TLK2: variants seen among roughly 807,000 people sequenced by gnomAD.
TLK2 encodes tousled like kinase 2.
A neutral mutation model predicts 117.3 loss-of-function variants in TLK2; 6 were observed. The observed-to-expected ratio is 0.05, with a 90% CI of 0.03 to 0.10. The LOEUF (loss-of-function observed/expected upper bound fraction) is 0.10. Ranked by LOEUF, TLK2 falls within the 10% of genes least tolerant of loss-of-function variation. The pLI is 1.00. For missense variants in TLK2, 299 were observed against 901.2 expected (o/e 0.33, Z 8.56); for synonymous variants, 257 against 316.7 (o/e 0.81, Z 2.00).
At chr17:62,545,065 T>G (rs1166274860) in intron 7 of TLK2, among the ~76,000 whole-genome samples, 1 of 152,192 alleles carries the variant, frequency 6.6e-6, no homozygotes. Flanking sequence ...CTTGCTCTTT[T>G]GCCTAGGCTG....
At chr17:62,500,553 A>C (rs1161491767) in intron 2 of TLK2, among the ~76,000 whole-genome samples, 1 of 152,226 alleles carries the variant, frequency 6.6e-6, no homozygotes, top group Non-Finnish European at 1.5e-5. Context: ...ATTGTTCCTT[A>C]ATAACTGATA....
At chr17:62,539,436 CA>C (rs991483241) in intron 7 of TLK2, among the ~76,000 whole-genome samples, 5 of 150,124 alleles carry the variant, frequency 3.3e-5, no homozygotes, top group African/African-American at 1.2e-4. Flanking sequence ...TCTTCAGACT[CA>C]TTTATCTACC....
intron 11 of TLK2, among the ~76,000 whole-genome samples, chr17:62,567,928 G>T (rs1440315600): frequency 2.0e-5 from 3 of 151,838 alleles, no homozygotes; most frequent in African/African-American, 7.3e-5. Context: ...ATATTTTTTG[G>T]CCAGTTTAGT....
intron 9 of TLK2, among the ~76,000 whole-genome samples, chr17:62,557,453 T>A (rs1311226772): frequency 6.6e-6 from 1 of 152,204 alleles, no homozygotes; most frequent in Non-Finnish European, 1.5e-5. Flanking sequence ...CTATTTTTGT[T>A]GTTGTTTTTA....
intron 2 of TLK2, among the ~76,000 whole-genome samples, chr17:62,484,637 C>A (rs1325080341): frequency 1.3e-5 from 2 of 152,080 alleles, no homozygotes; most frequent in Non-Finnish European, 2.9e-5. Flanking sequence ...TCGTACCTCT[C>A]AGACTATTGA....
At chr17:62,584,247 G>T (rs1298140778) in intron 15 of TLK2, among the ~76,000 whole-genome samples, 1 of 150,556 alleles carries the variant, frequency 6.6e-6, no homozygotes, top group Non-Finnish European at 1.5e-5. Context: ...TTCCCAAGTA[G>T]CTGGGACTAC....
At chr17:62,595,728 T>C (rs1159098902) in intron 16 of TLK2, among the ~76,000 whole-genome samples, 1 of 152,192 alleles carries the variant, frequency 6.6e-6, no homozygotes, top group Non-Finnish European at 1.5e-5. Context: ...TCACATTTCA[T>C]ATTTTATTAG....
intron 10 of TLK2, among the ~76,000 whole-genome samples, chr17:62,564,715 AAAAC>A (rs950908380): frequency 5.3e-5 from 8 of 151,012 alleles, no homozygotes; most frequent in Non-Finnish European, 8.9e-5. Context: ...CTTAAAAAAA[AAAAC>A]AAACAAAAAA....
intron 2 of TLK2, among the ~76,000 whole-genome samples, chr17:62,517,455 C>T (rs1471108348): frequency 4.6e-5 from 7 of 150,952 alleles, no homozygotes; most frequent in South Asian, 2.1e-4. Context: ...AGTGCAGTGG[C>T]GCGATCTCAG....
intron 15 of TLK2, among the ~76,000 whole-genome samples, chr17:62,584,107 GTTTTTTTTTT>G (rs572000997): frequency 6.4e-5 from 5 of 78,530 alleles, no homozygotes; most frequent in South Asian, 6.0e-4. Flanking sequence ...TTCTTTTGTG[GTTTTTTTTTT>G]TTTTTTTTTT....
chr17:62,564,339 C>T (rs2079551483), intron 10 of TLK2, among the ~76,000 whole-genome samples: 1 of 152,106 alleles, frequency 6.6e-6, no homozygotes, highest in Admixed American at 6.6e-5. Context: ...AGTTCAAGAC[C>T]AGCCTGGTCA....
intron 2 of TLK2, among the ~76,000 whole-genome samples, chr17:62,488,324 A>G (rs965261998): frequency 3.3e-5 from 5 of 152,228 alleles, no homozygotes; most frequent in Admixed American, 1.3e-4. Context: ...TATTTAACCA[A>G]CTGATACCTT....
At chr17:62,523,080 T>A (rs554042204) in intron 4 of TLK2, 54 bp from the exon 5 acceptor site, 20 of 1,513,880 alleles carry the variant, frequency 1.3e-5, no homozygotes, top group Non-Finnish European at 1.6e-5. Flanking sequence ...TTTTAGTGAA[T>A]GATGGTTTAT....
chr17:62,586,811 T>G (rs2081641197), intron 16 of TLK2, among the ~76,000 whole-genome samples: 2 of 144,872 alleles, frequency 1.4e-5, no homozygotes, highest in African/African-American at 2.5e-5. Context: ...ATGGTGCGAG[T>G]GCGAGACTGC....
chr17:62,481,970 A>G (rs2071708210), intron 2 of TLK2, among the ~76,000 whole-genome samples: 1 of 151,736 alleles, frequency 6.6e-6, no homozygotes, highest in African/African-American at 2.4e-5. Context: ...TTTGAGACAG[A>G]GTTTTCCTCT....
chr17:62,540,360 C>G (rs2077432083), intron 7 of TLK2, among the ~76,000 whole-genome samples: 1 of 125,680 alleles, frequency 8.0e-6, no homozygotes, highest in African/African-American at 2.8e-5. Flanking sequence ...CCAAATCTAT[C>G]AGTAAAGCTT....
intron 11 of TLK2, among the ~76,000 whole-genome samples, chr17:62,570,496 A>T (rs2080194607): frequency 6.6e-6 from 1 of 152,188 alleles, no homozygotes; most frequent in African/African-American, 2.4e-5. Flanking sequence ...CTGTTCTGTG[A>T]GAAGTTACAG....
chr17:62,598,731 G>T (rs2082662810), intron 17 of TLK2, among the ~76,000 whole-genome samples: 1 of 151,900 alleles, frequency 6.6e-6, no homozygotes, highest in Admixed American at 6.6e-5. Flanking sequence ...CACCGTGCTG[G>T]GCAGGCTGGT....
intron 13 of TLK2, among the ~76,000 whole-genome samples, chr17:62,578,108 C>T (rs774925886): frequency 6.6e-6 from 1 of 152,064 alleles, no homozygotes; most frequent in Non-Finnish European, 1.5e-5. Context: ...AAGATGAGAA[C>T]CGAACCAGAT....
Sources: allele counts gnomAD v4.1 joint callset (sites outside exome capture counted in the v4.1 genomes callset), GRCh38; gene constraint gnomAD v4.1.1; transcripts MANE v1.5; gene names NCBI Gene and HGNC (gene_info 2026-07-23, HGNC 2026-07-21).